The following SNTB1 variants were observed in gnomAD, a reference collection of about 807,000 sequenced individuals.
SNTB1 encodes the protein beta-1-syntrophin.
SNTB1 carries 36 observed loss-of-function variants against 48.9 expected under a neutral mutation model. The observed-to-expected ratio is 0.74, with a 90% CI of 0.56 to 0.97. The LOEUF is 0.97. SNTB1 is among the 50% of genes least tolerant of loss of function. The pLI is 0.00. For missense variants in SNTB1, 786 were observed against 703.4 expected (o/e 1.12, Z -1.33); for synonymous variants, 299 against 294.6 (o/e 1.01, Z -0.15).
chr8:120,562,882 G>T (rs1210458215), intron 4 of SNTB1, among the ~76,000 whole-genome samples: 2 of 142,278 alleles, frequency 1.4e-5, no homozygotes, highest in African/African-American at 6.1e-5. Context: ...CTCAAAAAAA[G>T]AAAAAGAAAA....
At chr8:120,791,153 T>C (rs931003670) in intron 1 of SNTB1, among the ~76,000 whole-genome samples, 11 of 151,274 alleles carry the variant, frequency 7.3e-5, no homozygotes, top group African/African-American at 2.4e-4. Flanking sequence ...ATAAATAAAG[T>C]CAAATACAAC....
rs1438568817 is a variant in SNTB1, at chr8:120,683,501, T to A, written c.788+10191A>T. Among the ~76,000 whole-genome samples the A allele has an allele frequency of 2.0e-5, 3 of 152,056 alleles. No homozygotes were observed. The South Asian group carries it at 6.2e-4, about 31-fold the overall frequency. Reference sequence around the variant, plus strand: ...GTGGGGGCGGCATTACAAATCAGAATGGTGAGTATTTAAGCTAATCATAAA... The same window carrying A: ...GTGGGGGCGGCATTACAAATCAGAAAGGTGAGTATTTAAGCTAATCATAAA... On this transcript the variant is annotated intron_variant, in intron 2 of 6. Coordinates refer to ENST00000517992, the MANE Select transcript of SNTB1 (RefSeq NM_021021.4).
intron 1 of SNTB1, among the ~76,000 whole-genome samples, chr8:120,788,102 C>T (rs947687670): frequency 6.6e-6 from 1 of 152,090 alleles, no homozygotes; most frequent in African/African-American, 2.4e-5. Flanking sequence ...TAACTGTCAG[C>T]CAAGAATTCT....
chr8:120,766,866 C>A (rs772555717), intron 1 of SNTB1, among the ~76,000 whole-genome samples: 4 of 152,044 alleles, frequency 2.6e-5, no homozygotes, highest in Non-Finnish European at 5.9e-5. Context: ...TGTTTTCTTA[C>A]TGTTTCTCTT....
intron 2 of SNTB1, among the ~76,000 whole-genome samples, chr8:120,670,634 T>G (rs1369470609): frequency 6.6e-6 from 1 of 152,200 alleles, no homozygotes; most frequent in African/African-American, 2.4e-5. Flanking sequence ...ATTATAGCTT[T>G]GTAAGTAGAT....
chr8:120,687,233 G>A (rs953121004), intron 2 of SNTB1, among the ~76,000 whole-genome samples: 4 of 152,200 alleles, frequency 2.6e-5, no homozygotes, highest in Non-Finnish European at 5.9e-5. Flanking sequence ...CTATGAATGT[G>A]TAACTAAAGT....
At chr8:120,558,481 G>T (rs754530899) in intron 4 of SNTB1, among the ~76,000 whole-genome samples, 9 of 152,096 alleles carry the variant, frequency 5.9e-5, no homozygotes, top group Non-Finnish European at 1.2e-4. Flanking sequence ...ACAAAATTCA[G>T]AAACACATTC....
At chr8:120,711,482 T>C (rs1337072192) in intron 1 of SNTB1, among the ~76,000 whole-genome samples, 1 of 152,142 alleles carries the variant, frequency 6.6e-6, no homozygotes, top group Non-Finnish European at 1.5e-5. Flanking sequence ...TATTATCCAT[T>C]GTCCTGGGCC....
intron 1 of SNTB1, among the ~76,000 whole-genome samples, chr8:120,722,373 G>A (rs1367084938): frequency 6.6e-6 from 1 of 152,188 alleles, no homozygotes; most frequent in Non-Finnish European, 1.5e-5. Context: ...CAGTGTAAAA[G>A]TGTTCCTATT....
At chr8:120,671,948 G>A (rs928286703) in intron 2 of SNTB1, among the ~76,000 whole-genome samples, 3 of 152,116 alleles carry the variant, frequency 2.0e-5, no homozygotes, top group Non-Finnish European at 4.4e-5. Context: ...ATAGTGGTTC[G>A]ACTTAGGATT....
At chr8:120,729,112 G>A (rs541004639) in intron 1 of SNTB1, among the ~76,000 whole-genome samples, 9 of 152,116 alleles carry the variant, frequency 5.9e-5, no homozygotes, top group African/African-American at 2.2e-4. Flanking sequence ...ACAAGTAGCT[G>A]GGACTTCAGA....
rs188020463 is a variant in SNTB1, at chr8:120,658,881, T to C, written c.789-26230A>G. Among the ~76,000 whole-genome samples the C allele has an allele frequency of 2.6e-3, 403 of 152,334 alleles. 2 individuals are homozygous for C. The highest frequency in any genetic ancestry group is 9.3e-3 in the African/African-American group (388 of 41,566). On this transcript the variant is annotated intron_variant, in intron 2 of 6. Transcript: ENST00000517992. ...GTGATGCTATTTGATAGCATTTTAC[T>C]GTCTGCAGAACTTTTATCAAAATTG...
chr8:120,783,987 T>TGTTTC (rs1819874264), intron 1 of SNTB1, among the ~76,000 whole-genome samples: 2 of 134,368 alleles, frequency 1.5e-5, no homozygotes, highest in Admixed American at 7.8e-5. Context: ...ACTCCAGTTT[T>TGTTTC]GTTTTGTTTT....
intron 1 of SNTB1, among the ~76,000 whole-genome samples, chr8:120,800,435 C>T (rs1271736444): frequency 1.3e-5 from 2 of 152,012 alleles, no homozygotes; most frequent in Non-Finnish European, 2.9e-5. Context: ...ACCTACCAAG[C>T]GTCTTTCTCA....
chr8:120,708,672 T>C (rs1818415829), intron 1 of SNTB1, among the ~76,000 whole-genome samples: 1 of 152,144 alleles, frequency 6.6e-6, no homozygotes, highest in Non-Finnish European at 1.5e-5. Context: ...AAATGTATTA[T>C]TGGCATTCAA....
chr8:120,789,889 A>G (rs1457648084), intron 1 of SNTB1, among the ~76,000 whole-genome samples: 1 of 151,972 alleles, frequency 6.6e-6, no homozygotes, highest in Non-Finnish European at 1.5e-5. Context: ...CATTCTACAA[A>G]GCCAGTATCA....
chr8:120,593,078 A>C (rs978102534), intron 3 of SNTB1, among the ~76,000 whole-genome samples: 15 of 152,204 alleles, frequency 9.9e-5, no homozygotes, highest in Non-Finnish European at 1.8e-4. Flanking sequence ...AAAAAAACTC[A>C]GACACTCCTA....
intron 1 of SNTB1, among the ~76,000 whole-genome samples, chr8:120,694,731 GC>G (rs1373742553): frequency 6.6e-6 from 1 of 151,762 alleles, no homozygotes; most frequent in Non-Finnish European, 1.5e-5. Context: ...GTGCTTATAT[GC>G]CTACAATTAT....
At chr8:120,570,356 G>T (rs1237005592) in intron 4 of SNTB1, 1 of 152,190 alleles carries the variant, frequency 6.6e-6, no homozygotes, top group Non-Finnish European at 1.5e-5. Flanking sequence ...TATCTACCCA[G>T]ATCACATCCA....
Sources: allele counts gnomAD v4.1 joint callset (sites outside exome capture counted in the v4.1 genomes callset), GRCh38; gene constraint gnomAD v4.1.1; transcripts MANE v1.5; gene names NCBI Gene and HGNC (gene_info 2026-07-23, HGNC 2026-07-21).